The following OR1J2 variants were observed in gnomAD, a reference collection of about 807,000 sequenced individuals.
The protein encoded by OR1J2 is olfactory receptor 1J2.
For synonymous variants in OR1J2, 142 were observed against 99.7 expected, an observed-to-expected ratio of 1.42 and a Z score of -2.52; for missense variants, 304 against 246.1, an observed-to-expected ratio of 1.24 and a Z score of -1.57.
At chr9:122,515,393 T>TAC (rs200021145), downstream of OR1J2, among the ~76,000 whole-genome samples, 141 of 150,638 alleles carry the variant, frequency 9.4e-4, no homozygotes, top group African/African-American at 3.3e-3. Context: ...TGTGTGTGTA[T>TAC]ACGGGTGCTC....
the OR1J2 span, among the ~76,000 whole-genome samples, chr9:122,469,450 C>T: frequency 1.3e-5 from 2 of 152,216 alleles, no homozygotes; most frequent in Admixed American, 1.3e-4. Context: ...ATTCTGAGGC[C>T]TCCCCAGTCA....
the OR1J2 span, chr9:122,519,074 A>G: frequency 9.0e-7 from 1 of 1,107,448 alleles, no homozygotes; most frequent in Non-Finnish European, 1.3e-6. Flanking sequence ...GCTGCTGTAA[A>G]TCAACATTTG....
At chr9:122,487,241 T>G in the OR1J2 span, among the ~76,000 whole-genome samples, 24 of 152,150 alleles carry the variant, frequency 1.6e-4, 1 homozygote, top group East Asian at 4.2e-3. Flanking sequence ...AAATGCAGAT[T>G]ATTATTATTT....
chr9:122,567,331 C>A, the OR1J2 span: 1 of 414,454 alleles, frequency 2.4e-6, no homozygotes, highest in Non-Finnish European at 4.3e-6. Context: ...TAAATCTTTC[C>A]AAGAAAGAGG....
At chr9:122,495,261 T>C in the OR1J2 span, among the ~76,000 whole-genome samples, 1 of 152,210 alleles carries the variant, frequency 6.6e-6, no homozygotes, top group Non-Finnish European at 1.5e-5. Flanking sequence ...TTTTCCTTGA[T>C]TATTCCTTCA....
the OR1J2 span, among the ~76,000 whole-genome samples, chr9:122,464,074 G>C: frequency 6.6e-6 from 1 of 152,308 alleles, no homozygotes; most frequent in African/African-American, 2.4e-5. Context: ...GGCAGGGTTA[G>C]GCATGTCTGA....
the OR1J2 span, among the ~76,000 whole-genome samples, chr9:122,485,751 A>G: frequency 2.2e-4 from 33 of 152,326 alleles, no homozygotes; most frequent in African/African-American, 7.7e-4. Context: ...TGGCTTTCTC[A>G]GACAAAGTGA....
chr9:122,485,473 G>A, the OR1J2 span, among the ~76,000 whole-genome samples: 1 of 152,132 alleles, frequency 6.6e-6, no homozygotes, highest in African/African-American at 2.4e-5. Flanking sequence ...GGTTAGTTTT[G>A]TTTTCTAAGT....
the OR1J2 span, among the ~76,000 whole-genome samples, chr9:122,484,244 C>G: frequency 6.6e-6 from 1 of 152,060 alleles, no homozygotes; most frequent in Non-Finnish European, 1.5e-5. Context: ...TCACTGCAAC[C>G]TCCACCTCCT....
chr9:122,472,425 G>T, the OR1J2 span, among the ~76,000 whole-genome samples: 1 of 152,182 alleles, frequency 6.6e-6, no homozygotes, highest in Non-Finnish European at 1.5e-5. Flanking sequence ...TGCACCAATA[G>T]TACTCTTAAG....
chr9:122,479,170 G>A, the OR1J2 span, among the ~76,000 whole-genome samples: 1 of 152,204 alleles, frequency 6.6e-6, no homozygotes, highest in Non-Finnish European at 1.5e-5. Flanking sequence ...GGACGCAGCG[G>A]TGAATTCCTC....
chr9:122,469,227 A>C, the OR1J2 span, among the ~76,000 whole-genome samples: 1 of 152,168 alleles, frequency 6.6e-6, no homozygotes, highest in African/African-American at 2.4e-5. Context: ...CCCAAATCTC[A>C]TCTTGAATTG....
At chr9:122,573,838 T>A in the OR1J2 span, among the ~76,000 whole-genome samples, 1 of 152,192 alleles carries the variant, frequency 6.6e-6, no homozygotes, top group Middle Eastern at 3.2e-3. Flanking sequence ...TCATCTAGAT[T>A]TTCTCTTATG....
At chr9:122,485,164 A>G in the OR1J2 span, among the ~76,000 whole-genome samples, 3 of 152,132 alleles carry the variant, frequency 2.0e-5, no homozygotes, top group African/African-American at 7.2e-5. Context: ...GAGCCAACTT[A>G]ATCTAGTAGG....
At chr9:122,571,687 G>A in the OR1J2 span, among the ~76,000 whole-genome samples, 53 of 150,786 alleles carry the variant, frequency 3.5e-4, no homozygotes, top group African/African-American at 1.2e-3. Flanking sequence ...CTGCACTCCA[G>A]CCTGGCGACA....
At chr9:122,519,236 G>A in the OR1J2 span, 2 of 1,613,984 alleles carry the variant, frequency 1.2e-6, no homozygotes, top group Non-Finnish European at 1.7e-6. Flanking sequence ...CCCTGTTCTT[G>A]GGCATGTACC....
the OR1J2 span, among the ~76,000 whole-genome samples, chr9:122,566,120 G>C: frequency 1.3e-5 from 2 of 152,168 alleles, no homozygotes; most frequent in Non-Finnish European, 2.9e-5. Context: ...TAAAAGATCT[G>C]AAAGAAAAGC....
chr9:122,489,280 A>AATAT, the OR1J2 span, among the ~76,000 whole-genome samples: 245 of 149,668 alleles, frequency 1.6e-3, 2 homozygotes, highest in East Asian at 2.3e-3. Flanking sequence ...TCCATATATA[A>AATAT]ATATATATAT....
At chr9:122,520,684 G>A in the OR1J2 span, among the ~76,000 whole-genome samples, 38 of 152,240 alleles carry the variant, frequency 2.5e-4, no homozygotes, top group African/African-American at 4.1e-4. Context: ...CAATCACGCC[G>A]CAGACTTACT....
Sources: gnomAD v4.1 joint callset for allele counts (sites outside exome capture counted in the v4.1 genomes callset) on GRCh38, gnomAD v4.1.1 for gene constraint, MANE v1.5 for transcripts, NCBI Gene and HGNC (gene_info 2026-07-23, HGNC 2026-07-21) for gene names.